Variants in NCK2 observed in about 807,000 individuals in gnomAD.
NCK2 encodes the protein NCK adaptor protein 2.
A neutral mutation model predicts 33.9 loss-of-function variants in NCK2; 16 were observed. The ratio of observed to expected loss-of-function variants is 0.47; its 90% CI spans 0.32 to 0.72. The LOEUF is 0.72. NCK2 is among the 30% of genes least tolerant of loss of function. NCK2 has a pLI of 0.03. For missense variants in NCK2, 418 were observed against 537.3 expected (o/e 0.78, Z 2.19); for synonymous variants, 273 against 239.9 (o/e 1.14, Z -1.27).
chr2:105,892,884 A>G (rs537475003), intron 4 of NCK2, 98 bp from the exon 5 acceptor site: 2 of 958,874 alleles, frequency 2.1e-6, no homozygotes, highest in African/African-American at 1.6e-5. Context: ...TGTTTGAGCA[A>G]TGGGTGGTTT....
chr2:105,835,408 T>TATATATCTATATATATATATATACATAC (rs1553458610), intron 2 of NCK2, among the ~76,000 whole-genome samples: 1 of 41,270 alleles, frequency 2.4e-5, no homozygotes, highest in Non-Finnish European at 6.8e-5. Flanking sequence ...TATATATACG[T>TATATATCTATATATATATATATACATAC]GTATATATAT....
intron 1 of NCK2, among the ~76,000 whole-genome samples, chr2:105,770,747 G>A (rs1690109348): frequency 6.6e-6 from 1 of 152,054 alleles, no homozygotes; most frequent in Non-Finnish European, 1.5e-5. Context: ...TCTTTAACAG[G>A]TCAAGAAAAA....
At chr2:105,753,406 C>T (rs1407414748) in intron 1 of NCK2, among the ~76,000 whole-genome samples, 1 of 152,246 alleles carries the variant, frequency 6.6e-6, no homozygotes, top group Non-Finnish European at 1.5e-5. Flanking sequence ...CCCAAGTCTC[C>T]AATTCTGCAG....
At chr2:105,886,059 T>C (rs746455916) in intron 4 of NCK2, among the ~76,000 whole-genome samples, 1 of 152,246 alleles carries the variant, frequency 6.6e-6, no homozygotes, top group East Asian at 1.9e-4. Context: ...ATCCATGGTG[T>C]TTCTTCATAA....
intron 1 of NCK2, among the ~76,000 whole-genome samples, chr2:105,753,022 G>A: frequency 6.6e-6 from 1 of 152,168 alleles, no homozygotes. Flanking sequence ...TCATCGCTAA[G>A]GAAAGGGAGG....
Position 105,893,305 on chromosome 2 carries a change from C to T in NCK2, c.*129C>T, listed in dbSNP as rs990481499. The T allele has an allele frequency of 8.3e-6, 8 of 959,818 alleles. No individual in the cohort carries two copies. Among genetic ancestry groups the T allele is most frequent in the South Asian group, 7.0e-5 (4 of 57,346 alleles). 59.5% of individuals were successfully genotyped at this position (959,818 alleles called of 1,614,324 possible). A position where few individuals can be genotyped will look rare whatever the true frequency, so the allele number is the denominator to read the frequency against. Reference sequence around the variant, plus strand: ...TGCGAGTCTCTCTTTATGTTCAGGTCGCTTGGTCGGTTCGTCTCCCATTTG... The same window carrying T: ...TGCGAGTCTCTCTTTATGTTCAGGTTGCTTGGTCGGTTCGTCTCCCATTTG... On this transcript the variant is annotated 3_prime_UTR_variant, in exon 5 of 5. Transcript: ENST00000233154.
chr2:105,763,896 G>A (rs879701867), intron 1 of NCK2, among the ~76,000 whole-genome samples: 4 of 152,240 alleles, frequency 2.6e-5, no homozygotes, highest in Non-Finnish European at 4.4e-5. Context: ...GCTGCTAGAA[G>A]TTCCCTTACG....
rs146370067 is a variant in NCK2 at position 105,806,438 on chromosome 2, C to T, written c.-200-9992C>T. Reference sequence around the variant, plus strand: ...ATTTTTAGTAGAGACGGGGTTTCACCGTGTTACCCAGGATGGTCTCGATCT... The same window carrying T: ...ATTTTTAGTAGAGACGGGGTTTCACTGTGTTACCCAGGATGGTCTCGATCT... On this transcript the variant is annotated intron_variant, in intron 1 of 4. Transcript: ENST00000233154. 5.7e-3 allele frequency among the ~76,000 whole-genome samples: 871 copies of T among 152,128 alleles called. 14 individuals carry two copies. Among genetic ancestry groups the T allele is most frequent in the African/African-American group, 0.02 (814 of 41,508 alleles).
intron 1 of NCK2, among the ~76,000 whole-genome samples, chr2:105,761,392 TTC>T (rs1353270451): frequency 2.0e-5 from 3 of 152,168 alleles, no homozygotes; most frequent in African/African-American, 7.2e-5. Flanking sequence ...ATTAGCCTGT[TTC>T]TCTTTCTGGT....
intron 2 of NCK2, among the ~76,000 whole-genome samples, chr2:105,826,623 A>G (rs116022521): frequency 6.6e-6 from 1 of 152,294 alleles, no homozygotes; most frequent in Admixed American, 6.5e-5. Context: ...AATGGATTGC[A>G]TGGTAAAGGG....
chr2:105,837,364 T>C (rs1203889884), intron 2 of NCK2, among the ~76,000 whole-genome samples: 1 of 152,212 alleles, frequency 6.6e-6, no homozygotes, highest in East Asian at 1.9e-4. Context: ...CTATGTAGTA[T>C]GCAGTCCTTT....
At chr2:105,819,399 A>G (rs572608439) in intron 2 of NCK2, among the ~76,000 whole-genome samples, 18 of 152,286 alleles carry the variant, frequency 1.2e-4, no homozygotes, top group African/African-American at 4.1e-4. Flanking sequence ...TCATGTATCA[A>G]TCCACTTGTC....
chr2:105,877,019 G>T (rs1278193215), intron 3 of NCK2, among the ~76,000 whole-genome samples: 1 of 152,130 alleles, frequency 6.6e-6, no homozygotes, highest in Admixed American at 6.5e-5. Flanking sequence ...CCACCTGGCG[G>T]GGTCACAGCT....
chr2:105,851,424 C>T (rs956620217), intron 2 of NCK2, among the ~76,000 whole-genome samples: 1 of 152,168 alleles, frequency 6.6e-6, no homozygotes, highest in African/African-American at 2.4e-5. Context: ...CCACCACCCC[C>T]GGCTGCTCTT....
Position 105,818,560 on chromosome 2 carries a change from TAAATC to T in NCK2, c.-17+1950_-17+1954del, listed in dbSNP as rs548772132. 1.3e-3 allele frequency among the ~76,000 whole-genome samples: 196 copies of T among 152,280 alleles called. 1 individual carries two copies. The highest frequency in any genetic ancestry group is 4.2e-3 in the African/African-American group (175 of 41,588). On this transcript the variant is annotated intron_variant, in intron 2 of 4. Transcript: ENST00000233154. ...AACAGAACAAAATAGAAAAGATTGTTAAATCAAGTATGAAAGCAAACCAAATTTTA... is the reference window on the plus strand; with the variant it reads ...AACAGAACAAAATAGAAAAGATTGTTAAGTATGAAAGCAAACCAAATTTTA...
chr2:105,818,942 T>A (rs373062325), intron 2 of NCK2, among the ~76,000 whole-genome samples: 1 of 152,296 alleles, frequency 6.6e-6, no homozygotes, highest in South Asian at 2.1e-4. Context: ...GCCCCTTTGA[T>A]GTGTGGTATT....
intron 2 of NCK2, chr2:105,846,532 T>C (rs1676861136): frequency 6.6e-6 from 1 of 152,050 alleles, no homozygotes; most frequent in Non-Finnish European, 1.5e-5. Flanking sequence ...ATCTTTATGA[T>C]CAGTATAAAA....
At chr2:105,779,982 T>C (rs1690435287) in intron 1 of NCK2, among the ~76,000 whole-genome samples, 1 of 152,182 alleles carries the variant, frequency 6.6e-6, no homozygotes, top group Non-Finnish European at 1.5e-5. Flanking sequence ...AGACCTCCTG[T>C]GTGTGCTTCC....
chr2:105,782,833 C>T (rs1300973250), intron 1 of NCK2, among the ~76,000 whole-genome samples: 1 of 152,238 alleles, frequency 6.6e-6, no homozygotes, highest in Non-Finnish European at 1.5e-5. Flanking sequence ...TCAGAGCTGG[C>T]TTCCAGTGAC....
Sources: allele counts gnomAD v4.1 joint callset (sites outside exome capture counted in the v4.1 genomes callset), GRCh38; gene constraint gnomAD v4.1.1; transcripts MANE v1.5; gene names NCBI Gene and HGNC (gene_info 2026-07-23, HGNC 2026-07-21).